Variants in CEP112 observed in about 807,000 individuals in gnomAD.
CEP112 encodes the protein centrosomal protein of 112 kDa.
Under a neutral mutation model 153.0 loss-of-function variants are expected in CEP112, and 127 were observed. That is an observed-to-expected ratio of 0.83 (90% CI 0.72 to 0.96). The LOEUF is 0.96. CEP112 is among the 40% of genes least tolerant of loss of function. The pLI, the probability that CEP112 is intolerant of heterozygous loss-of-function variation, is 0.00. For synonymous variants in CEP112, 358 were observed against 374.4 expected (o/e 0.96, Z 0.51); for missense variants, 1,089 against 1,101.2 (o/e 0.99, Z 0.16).
chr17:65,962,866 G>A (rs779142128), intron 17 of CEP112, among the ~76,000 whole-genome samples: 1 of 152,186 alleles, frequency 6.6e-6, no homozygotes, highest in Non-Finnish European at 1.5e-5. Context: ...CCCCAGCCAC[G>A]TGGAACTGTA....
chr17:66,010,302 T>C (rs997980838), intron 16 of CEP112, among the ~76,000 whole-genome samples: 3 of 152,218 alleles, frequency 2.0e-5, no homozygotes, highest in Admixed American at 6.5e-5. Flanking sequence ...TTTTTGTACA[T>C]TGATTTTGTA....
At chr17:65,644,345 G>A in intron 24 of CEP112, 1 of 559,858 alleles carries the variant, frequency 1.8e-6, no homozygotes, top group Non-Finnish European at 3.2e-6. Context: ...AAGCCCAATG[G>A]TGAGAAGCCG....
chr17:66,020,876 G>A (rs1278032336), intron 16 of CEP112, among the ~76,000 whole-genome samples: 1 of 152,128 alleles, frequency 6.6e-6, no homozygotes, highest in East Asian at 1.9e-4. Context: ...CATCTACTTG[G>A]AAGAATTTTG....
chr17:65,660,329 T>C (rs2046298487), intron 24 of CEP112, among the ~76,000 whole-genome samples: 1 of 103,276 alleles, frequency 9.7e-6, no homozygotes, highest in Non-Finnish European at 1.9e-5. Context: ...CCTTTCTTTC[T>C]CTTTCTTTCT....
At chr17:66,002,333 T>C (rs937632766) in intron 17 of CEP112, among the ~76,000 whole-genome samples, 1 of 152,144 alleles carries the variant, frequency 6.6e-6, no homozygotes, top group Non-Finnish European at 1.5e-5. Context: ...ACATTATATA[T>C]CATCCCAATT....
intron 6 of CEP112, among the ~76,000 whole-genome samples, chr17:66,107,875 C>A (rs2146352263): frequency 6.6e-6 from 1 of 152,168 alleles, no homozygotes; most frequent in Non-Finnish European, 1.5e-5. Context: ...CTGGAGTAAT[C>A]ACATCACCTG....
intron 17 of CEP112, among the ~76,000 whole-genome samples, chr17:65,968,253 A>C (rs974886311): frequency 3.3e-5 from 5 of 152,150 alleles, no homozygotes; most frequent in South Asian, 4.1e-4. Flanking sequence ...CAAAGGAATA[A>C]AGAAAAAAGG....
At chr17:66,138,093 A>G (rs951436102) in intron 4 of CEP112, among the ~76,000 whole-genome samples, 1 of 152,176 alleles carries the variant, frequency 6.6e-6, no homozygotes, top group African/African-American at 2.4e-5. Context: ...GAGTATTGCT[A>G]GGGAAGAAGG....
intron 18 of CEP112, among the ~76,000 whole-genome samples, chr17:65,930,215 T>C (rs1260569371): frequency 1.3e-5 from 2 of 152,194 alleles, no homozygotes; most frequent in Non-Finnish European, 2.9e-5. Flanking sequence ...GCACTAAGAT[T>C]AGTTAAGACA....
chr17:65,740,015 CCACT>C (rs1309814498), intron 23 of CEP112, among the ~76,000 whole-genome samples: 2 of 152,110 alleles, frequency 1.3e-5, no homozygotes, highest in African/African-American at 4.8e-5. Flanking sequence ...ATAAATTCTA[CCACT>C]CAGAGATATC....
chr17:65,884,699 G>GTAGTTTC (rs1408052107), intron 20 of CEP112, among the ~76,000 whole-genome samples: 1 of 135,416 alleles, frequency 7.4e-6, no homozygotes, highest in East Asian at 2.1e-4. Flanking sequence ...ATATTAGTTT[G>GTAGTTTC]TAGTTTCTTT....
chr17:66,100,249 A>C (rs1568489292), intron 6 of CEP112, among the ~76,000 whole-genome samples: 1 of 151,840 alleles, frequency 6.6e-6, no homozygotes, highest in Non-Finnish European at 1.5e-5. Context: ...AATACAAAAA[A>C]ATTAGATGGG....
At chr17:66,019,764 A>G (rs1423246921) in intron 16 of CEP112, among the ~76,000 whole-genome samples, 4 of 152,214 alleles carry the variant, frequency 2.6e-5, no homozygotes, top group African/African-American at 9.6e-5. Context: ...ACCTAATAAA[A>G]AGGATTTAGG....
chr17:65,796,000 G>T (rs1471781037), intron 21 of CEP112, among the ~76,000 whole-genome samples: 1 of 152,074 alleles, frequency 6.6e-6, no homozygotes, highest in East Asian at 1.9e-4. Flanking sequence ...GCCACACGGG[G>T]TCTGCCCTTT....
intron 4 of CEP112, among the ~76,000 whole-genome samples, chr17:66,147,502 T>C (rs1316461823): frequency 6.6e-6 from 1 of 151,508 alleles, no homozygotes; most frequent in Non-Finnish European, 1.5e-5. Context: ...TTGATGTAGA[T>C]AGTTTTTAAT....
At chr17:65,831,561 A>C (rs1248825860) in intron 21 of CEP112, among the ~76,000 whole-genome samples, 5 of 151,844 alleles carry the variant, frequency 3.3e-5, no homozygotes, top group Non-Finnish European at 5.9e-5. Context: ...CTTCTCAAAA[A>C]AAAAAAAAAA....
intron 21 of CEP112, among the ~76,000 whole-genome samples, chr17:65,821,514 T>TTATATATATATATA (rs570389723): frequency 1.8e-4 from 9 of 50,168 alleles, no homozygotes; most frequent in Admixed American, 3.9e-4. Flanking sequence ...ATATATATAA[T>TTATATATATATATA]TATATATATA....
chr17:65,743,751 A>T (rs900339830), intron 22 of CEP112, among the ~76,000 whole-genome samples: 14 of 145,438 alleles, frequency 9.6e-5, no homozygotes, highest in African/African-American at 2.3e-4. Flanking sequence ...ATTGCCTTTT[A>T]TTTTTTTTTT....
At chr17:66,055,417 T>A (rs914350425) in intron 11 of CEP112, among the ~76,000 whole-genome samples, 1 of 152,146 alleles carries the variant, frequency 6.6e-6, no homozygotes, top group African/African-American at 2.4e-5. Context: ...TAAAGCAGTA[T>A]TAGGTCTGTT....
Sources: gnomAD v4.1 joint callset for allele counts (sites outside exome capture counted in the v4.1 genomes callset) on GRCh38, gnomAD v4.1.1 for gene constraint, MANE v1.5 for transcripts, NCBI Gene and HGNC (gene_info 2026-07-23, HGNC 2026-07-21) for gene names.